The following DMD variants were observed in gnomAD, a reference collection of about 807,000 sequenced individuals.
The protein encoded by DMD is mutant dystrophin.
A neutral mutation model predicts 330.1 loss-of-function variants in DMD; 63 were observed. That is an observed-to-expected ratio of 0.19 (90% CI 0.16 to 0.24). DMD has a LOEUF of 0.24. Among genes scored for constraint, DMD ranks in the 10% least tolerant of loss-of-function variants. DMD has a pLI of 1.00. For missense variants in DMD, 3,344 were observed against 2,684.1 expected, an observed-to-expected ratio of 1.25 and a Z score of -5.43; for synonymous variants, 1,223 against 959.8, an observed-to-expected ratio of 1.27 and a Z score of -5.07.
intron 21 of DMD, among the ~76,000 whole-genome samples, chrX:32,472,953 G>A (rs932338839): frequency 9.1e-6 from 1 of 110,461 alleles, no homozygotes; most frequent in African/African-American, 3.3e-5. Context: ...AGGCATATGT[G>A]TATGTATATA....
chrX:32,648,364 G>A lies in DMD; in HGVS notation c.961-3212C>T, dbSNP rs182506644. Among the ~76,000 whole-genome samples the A allele has an allele frequency of 7.3e-3, 815 of 111,737 alleles. 4 individuals carry two copies. The highest frequency in any genetic ancestry group is 0.024 in the African/African-American group (725 of 30,838). Reference sequence around the variant, plus strand: ...GAATTTAAGATCTGAGTAATTATTTGTCTAGATAGACTATTGTTTTTCAAA... The same window carrying A: ...GAATTTAAGATCTGAGTAATTATTTATCTAGATAGACTATTGTTTTTCAAA... On this transcript the variant is annotated intron_variant, in intron 9 of 78. Coordinates refer to ENST00000357033, the MANE Select transcript of DMD (RefSeq NM_004006.3).
intron 2 of DMD, among the ~76,000 whole-genome samples, chrX:33,016,063 C>T (rs1434720169): frequency 2.7e-5 from 3 of 109,806 alleles, no homozygotes; most frequent in Non-Finnish European, 5.7e-5. Context: ...TGAAGCATGA[C>T]AAGATAATGA....
chrX:32,421,692 C>T (rs2098190469), intron 29 of DMD, among the ~76,000 whole-genome samples: 1 of 111,845 alleles, frequency 8.9e-6, no homozygotes, highest in Non-Finnish European at 1.9e-5. Context: ...CCTCACCCCA[C>T]AATGGCATCT....
intron 60 of DMD, 26 bp from the exon 61 acceptor site, chrX:31,348,660 G>A (rs2058231122): frequency 8.8e-7 from 1 of 1,134,819 alleles, no homozygotes; most frequent in Non-Finnish European, 1.2e-6. Context: ...GAGAAATGAT[G>A]TTCTCTCATT....
intron 2 of DMD, among the ~76,000 whole-genome samples, chrX:32,993,283 A>G (rs762503642): frequency 1.8e-5 from 2 of 112,059 alleles, no homozygotes; most frequent in Non-Finnish European, 3.8e-5. Flanking sequence ...CAACCCGTTT[A>G]TGTGTCATAA....
chrX:32,681,943 G>C (rs376297351), intron 9 of DMD, among the ~76,000 whole-genome samples: 19 of 111,705 alleles, frequency 1.7e-4, no homozygotes, highest in African/African-American at 5.5e-4. Context: ...TCCAGGAAGA[G>C]GGAGATACAT....
At chrX:31,908,224 C>G (rs1479209313) in intron 47 of DMD, among the ~76,000 whole-genome samples, 2 of 111,651 alleles carry the variant, frequency 1.8e-5, no homozygotes, top group Non-Finnish European at 3.8e-5. Flanking sequence ...GGTATATACC[C>G]AAAGGATTAT....
chrX:32,777,060 C>CTT (rs112879482), intron 7 of DMD, among the ~76,000 whole-genome samples: 16 of 103,484 alleles, frequency 1.5e-4, no homozygotes, highest in East Asian at 3.1e-4. Context: ...ATAAATTTGT[C>CTT]TTTTTTTTTT....
intron 44 of DMD, among the ~76,000 whole-genome samples, chrX:32,029,012 C>T (rs910751591): frequency 9.0e-6 from 1 of 111,090 alleles, no homozygotes; most frequent in African/African-American, 3.3e-5. Context: ...TTTGAACATA[C>T]TGAAGCCCAG....
intron 60 of DMD, among the ~76,000 whole-genome samples, chrX:31,350,618 TGTGTGTGTGTGTGTGAGAGAGAGA>T (rs1311164488): frequency 8.4e-5 from 4 of 47,618 alleles, no homozygotes; most frequent in African/African-American, 3.5e-4. Context: ...TGTGTGTGTG[TGTGTGTGTGTGTGTGAGAGAGAGA>T]GAGAGAGAGA....
intron 57 of DMD, among the ~76,000 whole-genome samples, chrX:31,483,261 T>A (rs112999932): frequency 9.2e-6 from 1 of 108,681 alleles, no homozygotes; most frequent in Non-Finnish European, 1.9e-5. Context: ...TTAGCCAGGA[T>A]GGTCTCCATC....
At position 32,445,238 on chromosome X, in the gene DMD, G is replaced by C. The variant is rs374147547; in HGVS notation, c.3786+3218C>G. 1.5e-4 allele frequency among the ~76,000 whole-genome samples: 17 copies of C among 110,958 alleles called. 1 individual carries two copies. The highest frequency in any genetic ancestry group is 1.4e-3 in the East Asian group (5 of 3,522). On this transcript the variant is annotated intron_variant, in intron 27 of 78. Coordinates refer to ENST00000357033, the MANE Select transcript of DMD (RefSeq NM_004006.3). ...CTCAACAGAGCGAATCAAGTCTATAGAGAACGAGCCAGGTCAGTGGTGATA... is the reference window on the plus strand; with the variant it reads ...CTCAACAGAGCGAATCAAGTCTATACAGAACGAGCCAGGTCAGTGGTGATA...
chrX:32,573,635 G>A lies in DMD; in HGVS notation c.1707C>T (p.Cys569=), dbSNP rs142029039. The A allele has an allele frequency of 5.7e-5, 68 of 1,202,779 alleles. No homozygotes were observed. The African/African-American group carries it at 1.1e-3, about 19-fold the overall frequency. Residue 569 remains cysteine (C), a splice_region_variant and synonymous_variant, in exon 15 of 79, where the codon TGC becomes TGT. Coordinates refer to ENST00000357033, the MANE Select transcript of DMD (RefSeq NM_004006.3). ...TTTCTGAAAGCCATGCACTAAAAAG[G>A]CACTGCAAGACATTAAAGAATTCCA... is the stretch of plus-strand genomic sequence containing the variant. ...LKWQRLTEEQ[C]LFSAWLSEKE... is the part of the protein sequence containing the mutation.
chrX:32,033,053 T>C (rs1362229634), intron 44 of DMD, among the ~76,000 whole-genome samples: 1 of 112,415 alleles, frequency 8.9e-6, no homozygotes, highest in Non-Finnish European at 1.9e-5. Context: ...ATTCAGCCTT[T>C]ATAAAAGGAA....
intron 28 of DMD, among the ~76,000 whole-genome samples, chrX:32,440,573 T>C (rs1165713740): frequency 9.0e-6 from 1 of 111,486 alleles, no homozygotes; most frequent in Non-Finnish European, 1.9e-5. Flanking sequence ...AAAAGTACAC[T>C]AAAATGCATA....
chrX:32,728,232 G>T (rs141319761), intron 7 of DMD, among the ~76,000 whole-genome samples: 6,076 of 111,291 alleles, frequency 0.055, 385 homozygotes, highest in African/African-American at 0.19. Context: ...CAAATTTCTT[G>T]TTAGGAAGCT....
At chrX:33,177,025 C>T (rs749884163) in intron 1 of DMD, among the ~76,000 whole-genome samples, 3 of 112,269 alleles carry the variant, frequency 2.7e-5, no homozygotes, top group South Asian at 3.7e-4. Flanking sequence ...AACAAGAATG[C>T]GATCTCACCT....
chrX:31,507,223 A>C, intron 56 of DMD, 58 bp downstream of exon 56: 2 of 1,137,602 alleles, frequency 1.8e-6, no homozygotes, highest in South Asian at 1.8e-5. Context: ...TAAGACAATG[A>C]GGAAAATTTG....
In DMD at chrX:31,449,779, T is replaced by G. The variant is rs867637256; in HGVS notation, c.8938-5152A>C. Among the ~76,000 whole-genome samples the G allele has an allele frequency of 9.6e-3, 868 of 90,414 alleles. 16 individuals are homozygous for G. Among genetic ancestry groups the G allele is most frequent in the African/African-American group, 0.034 (812 of 23,831 alleles). 78.5% of individuals were successfully genotyped at this position (90,414 alleles called of 115,157 possible). A position where few individuals can be genotyped will look rare whatever the true frequency, so the allele number is the denominator to read the frequency against. On this transcript the variant is annotated intron_variant, in intron 59 of 78. Transcript: ENST00000357033. Reference sequence around the variant, plus strand: ...AAATGGTGTGATATATATATATATATATATATATATATATATATAGATAGA... The same window carrying G: ...AAATGGTGTGATATATATATATATAGATATATATATATATATATAGATAGA...
Sources: gnomAD v4.1 joint callset for allele counts (sites outside exome capture counted in the v4.1 genomes callset) on GRCh38, gnomAD v4.1.1 for gene constraint, MANE v1.5 for transcripts, NCBI Gene and HGNC (gene_info 2026-07-23, HGNC 2026-07-21) for gene names.